Variants in OTUD7A observed in about 807,000 individuals in gnomAD.
OTUD7A encodes OTU domain-containing protein 7A.
A neutral mutation model predicts 65.7 loss-of-function variants in OTUD7A; 12 were observed. The ratio of observed to expected loss-of-function variants is 0.18; its 90% CI spans 0.12 to 0.30. OTUD7A has a LOEUF of 0.30. Among genes scored for constraint, OTUD7A ranks in the 10% least tolerant of loss-of-function variants. The pLI, the probability that OTUD7A is intolerant of heterozygous loss-of-function variation, is 1.00. For missense variants in OTUD7A, 1,148 were observed against 1,304.8 expected, an observed-to-expected ratio of 0.88 and a Z score of 1.85; for synonymous variants, 641 against 586.3, an observed-to-expected ratio of 1.09 and a Z score of -1.35.
chr15:31,776,825 C>T (rs116470010), intron 1 of OTUD7A, among the ~76,000 whole-genome samples: 113 of 152,196 alleles, frequency 7.4e-4, no homozygotes, highest in African/African-American at 2.6e-3. Context: ...GGGCTTTAAA[C>T]GCATACTAGG....
chr15:31,596,625 A>G (rs928695991), intron 3 of OTUD7A, among the ~76,000 whole-genome samples: 1 of 152,212 alleles, frequency 6.6e-6, no homozygotes, highest in African/African-American at 2.4e-5. Flanking sequence ...ATTTTTCCAC[A>G]TCATTCTAAT....
rs12439403 is a variant in OTUD7A, at chr15:31,498,618, A to G, written c.1171+3072T>C. Among the ~76,000 whole-genome samples, 34,507 of 152,030 alleles carry G rather than the reference A, an allele frequency of 0.23. 4,367 individuals are homozygous for G. Among genetic ancestry groups the G allele is most frequent in the Non-Finnish European group, 0.29 (19,389 of 67,938 alleles). ...TGAGCTGGGTGCTGAGAGAATGCCCAGATCTGGGTTTCACAGAGCTCCCCT... is the reference window on the plus strand; with the variant it reads ...TGAGCTGGGTGCTGAGAGAATGCCCGGATCTGGGTTTCACAGAGCTCCCCT... On this transcript the variant is annotated intron_variant, in intron 10 of 12. Coordinates refer to ENST00000307050, the MANE Select transcript of OTUD7A (RefSeq NM_001382637.1). This position sits in a 1 kb window ranked among gnomAD's most constrained non-coding sequence, Gnocchi z 4.2.
chr15:31,740,684 G>A (rs1462467808), intron 1 of OTUD7A, among the ~76,000 whole-genome samples: 2 of 152,202 alleles, frequency 1.3e-5, no homozygotes, highest in Non-Finnish European at 1.5e-5. Flanking sequence ...CTGGGTAGAG[G>A]TGAACCCAAA....
At chr15:31,530,194 T>C (rs1376387671) in intron 6 of OTUD7A, among the ~76,000 whole-genome samples, 1 of 152,190 alleles carries the variant, frequency 6.6e-6, no homozygotes, top group Non-Finnish European at 1.5e-5. Context: ...TGCCAACTGT[T>C]GACTGCTGTC....
intron 3 of OTUD7A, among the ~76,000 whole-genome samples, chr15:31,609,394 G>A (rs774201242): frequency 4.7e-4 from 72 of 152,150 alleles, no homozygotes; most frequent in Middle Eastern, 3.2e-3. Context: ...CGGTGGAAGT[G>A]AGACTGGCCC....
intron 1 of OTUD7A, among the ~76,000 whole-genome samples, chr15:31,787,902 T>C (rs1247183567): frequency 6.6e-6 from 1 of 152,224 alleles, no homozygotes; most frequent in African/African-American, 2.4e-5. Flanking sequence ...AATCCTCCAG[T>C]AATGGTCCAA....
chr15:31,780,086 A>G (rs1226266608), intron 1 of OTUD7A, among the ~76,000 whole-genome samples: 1 of 152,164 alleles, frequency 6.6e-6, no homozygotes, highest in East Asian at 1.9e-4. Context: ...GGATGGCAGA[A>G]GCAGACAGGC....
chr15:31,545,698 A>C (rs1249228028), intron 5 of OTUD7A, among the ~76,000 whole-genome samples: 1 of 152,178 alleles, frequency 6.6e-6, no homozygotes, highest in Non-Finnish European at 1.5e-5. Context: ...CACTGTGTGG[A>C]TACTCCTACA....
At chr15:31,634,372 C>T (rs184072206) in intron 3 of OTUD7A, among the ~76,000 whole-genome samples, 2 of 152,192 alleles carry the variant, frequency 1.3e-5, no homozygotes, top group Non-Finnish European at 2.9e-5. Context: ...CATGACCTCG[C>T]GTTGGGTGTC....
intron 1 of OTUD7A, among the ~76,000 whole-genome samples, chr15:31,752,093 C>A (rs910827891): frequency 6.6e-6 from 1 of 151,982 alleles, no homozygotes; most frequent in South Asian, 2.1e-4. Flanking sequence ...TATTCATATA[C>A]AAATAAAACA....
intron 3 of OTUD7A, among the ~76,000 whole-genome samples, chr15:31,572,192 T>C (rs993644536): frequency 3.3e-5 from 5 of 152,210 alleles, no homozygotes; most frequent in African/African-American, 1.2e-4. Context: ...TCTAATTTAT[T>C]TTGGATAGCA....
chr15:31,868,365 CGA>C (rs1284668912), intron 1 of OTUD7A, among the ~76,000 whole-genome samples: 2 of 152,164 alleles, frequency 1.3e-5, no homozygotes, highest in Non-Finnish European at 2.9e-5. Context: ...AATATTTTCA[CGA>C]GTCTACAGGT....
At chr15:31,857,818 AG>A (rs1163594628) in intron 1 of OTUD7A, among the ~76,000 whole-genome samples, 1 of 152,182 alleles carries the variant, frequency 6.6e-6, no homozygotes, top group Non-Finnish European at 1.5e-5. Context: ...ATTCTGAAAA[AG>A]GGCTTTTCTG....
At chr15:31,861,379 T>C (rs1247049607) in intron 1 of OTUD7A, among the ~76,000 whole-genome samples, 1 of 152,166 alleles carries the variant, frequency 6.6e-6, no homozygotes, top group African/African-American at 2.4e-5. Context: ...AAACCATACA[T>C]GCTAAGCAGT....
intron 3 of OTUD7A, among the ~76,000 whole-genome samples, chr15:31,623,409 C>A (rs1215500605): frequency 6.6e-6 from 1 of 152,228 alleles, no homozygotes; most frequent in Admixed American, 6.5e-5. Flanking sequence ...GCAGTGGGCT[C>A]CACCCAGTTT....
At chr15:31,486,950 A>G (rs966516865) in intron 12 of OTUD7A, among the ~76,000 whole-genome samples, 2 of 152,194 alleles carry the variant, frequency 1.3e-5, no homozygotes, top group African/African-American at 2.4e-5. Flanking sequence ...ATGTGTGTAC[A>G]CAGCCACTAG....
chr15:31,479,011 C>CG lies in OTUD7A; in HGVS notation c.*4282dup, dbSNP rs1405913480. ...TGAATTAAACAAGAACAAAGCTGAGCGCTGGTCACTGCCCCGGCCAGCCAC... is the reference window on the plus strand; with the variant it reads ...TGAATTAAACAAGAACAAAGCTGAGCGGCTGGTCACTGCCCCGGCCAGCCAC... On this transcript the variant is annotated 3_prime_UTR_variant, in exon 13 of 13. Coordinates refer to ENST00000307050, the MANE Select transcript of OTUD7A (RefSeq NM_001382637.1). The CG allele has an allele frequency of 6.6e-6, 1 of 152,324 alleles. No homozygotes were observed. The highest frequency in any genetic ancestry group is 1.5e-5 in the Non-Finnish European group (1 of 68,146). The allele number at this position is 152,324 out of a possible 1,614,324, so 9.4% of individuals were successfully genotyped here.
intron 1 of OTUD7A, among the ~76,000 whole-genome samples, chr15:31,714,434 G>C (rs984610612): frequency 6.6e-6 from 1 of 152,100 alleles, no homozygotes; most frequent in Admixed American, 6.5e-5. Flanking sequence ...AGAAAGAATA[G>C]GGAGAAGGCT....
intron 3 of OTUD7A, among the ~76,000 whole-genome samples, chr15:31,635,793 T>A (rs1180774219): frequency 2.0e-5 from 3 of 152,216 alleles, no homozygotes; most frequent in Non-Finnish European, 2.9e-5. Flanking sequence ...GGCTGCCCAG[T>A]TTTTGTAGGG....
Sources: allele counts gnomAD v4.1 joint callset (sites outside exome capture counted in the v4.1 genomes callset), GRCh38; gene constraint gnomAD v4.1.1; non-coding constraint Gnocchi (gnomAD v3.1); transcripts MANE v1.5; gene names NCBI Gene and HGNC (gene_info 2026-07-23, HGNC 2026-07-21).